ZNF302: variants seen among roughly 807,000 people sequenced by gnomAD.
ZNF302 encodes the protein zinc finger protein 327.
ZNF302 carries 12 observed loss-of-function variants against 10.8 expected under a neutral mutation model. The ratio of observed to expected loss-of-function variants is 1.11; its 90% confidence interval spans 0.71 to 1.79. The LOEUF (loss-of-function observed/expected upper bound fraction) is 1.79. Ranked by LOEUF, ZNF302 falls within the 40% of genes most tolerant of loss-of-function variation. ZNF302 has a pLI of 0.00. For synonymous variants in ZNF302, 178 were observed against 157.5 expected (o/e 1.13, Z -0.98); for missense variants, 461 against 471.1 (o/e 0.98, Z 0.20).
At chr19:34,678,863 G>A in intron 2 of ZNF302, 50 bp downstream of exon 2, 2 of 1,611,900 alleles carry the variant, frequency 1.2e-6, no homozygotes, top group Non-Finnish European at 1.7e-6. Context: ...TTAGGCCTCT[G>A]TGTGTTTGCT....
chr19:34,684,507 CA>C lies in ZNF302; in HGVS notation c.476del (p.Lys159SerfsTer4). 6.2e-7 allele frequency: 1 copy of C among 1,612,012 alleles called. No individual in the cohort carries two copies. Among genetic ancestry groups the C allele is most frequent in the South Asian group, 1.1e-5 (1 of 90,594 alleles). On this transcript the variant is annotated frameshift_variant, in exon 5 of 5. Transcript: ENST00000505242. LOFTEE classifies it low-confidence loss of function (END_TRUNC). ...HKYDILKKNL[S>X]KKSVIKSERI... ...TATGATATATTAAAGAAGAATTTAT[CA>C]AAAAAGTCAGTTATAAAAAGTGAGA...
chr19:34,684,516 C>A lies in ZNF302; in HGVS notation c.479C>A (p.Ser160Ter), dbSNP rs2068546872. The change falls in exon 5 of 5, where the codon TCA becomes TAA. Residue 160 changes from serine (S) to a stop codon, truncating the protein, a stop_gained. Coordinates refer to ENST00000505242, the MANE Select transcript of ZNF302 (RefSeq NM_001289187.2). LOFTEE classifies it low-confidence loss of function (END_TRUNC). ...TTAAAGAAGAATTTATCAAAAAAGT[C>A]AGTTATAAAAAGTGAGAGAATAAAT... The part of the protein sequence containing the change: ...DILKKNLSKK[S>*]VIKSERINGG... 6.2e-7 allele frequency: 1 copy of A among 1,612,344 alleles called. No individual in the cohort carries two copies. Among genetic ancestry groups the A allele is most frequent in the East Asian group, 2.2e-5 (1 of 44,872 alleles).
In ZNF302 at chr19:34,685,445, G is replaced by A; in HGVS notation, c.*208G>A. 1 of 1,598,024 alleles carries A rather than the reference G, an allele frequency of 6.3e-7. No homozygotes were observed. Among genetic ancestry groups the A allele is most frequent in the Non-Finnish European group, 8.6e-7 (1 of 1,165,912 alleles). On this transcript the variant is annotated 3_prime_UTR_variant, in exon 5 of 5. Coordinates refer to ENST00000505242, the MANE Select transcript of ZNF302 (RefSeq NM_001289187.2). ...CTTCAGCTGTAGTTCAAACCTTACT[G>A]TACATCAGAGAATTCATACTGGAGA...
intron 3 of ZNF302, 80 bp from the exon 4 acceptor site, chr19:34,683,075 A>G (rs1210483543): frequency 1.3e-6 from 2 of 1,595,846 alleles, no homozygotes; most frequent in Admixed American, 1.7e-5. Flanking sequence ...CCCTTCATCC[A>G]TTCCTGTGGT....
rs2068562910 is a variant in ZNF302 at position 34,684,709 on chromosome 19, A to G, written c.672A>G (p.Thr224=). 1.9e-6 allele frequency: 3 copies of G among 1,614,004 alleles called. No individual in the cohort carries two copies. The change falls in exon 5 of 5, where the codon ACA becomes ACG. Residue 224 remains threonine, a synonymous_variant. Coordinates refer to ENST00000505242, the MANE Select transcript of ZNF302 (RefSeq NM_001289187.2). ...SILSRHWRIH[T]GEKPYECREC... Reference sequence around the variant, plus strand: ...TCAGTCGCCACTGGAGAATTCATACAGGAGAGAAGCCCTATGAATGTCGTG... The same window carrying G: ...TCAGTCGCCACTGGAGAATTCATACGGGAGAGAAGCCCTATGAATGTCGTG...
In ZNF302 at chr19:34,685,676, CTTA is replaced by C; in HGVS notation, c.*442_*444del. ...GGTAAACTTCATTCATAGATCCTCC[CTTA>C]TTTAACATCAGAAAAATGTATACTG... On this transcript the variant is annotated 3_prime_UTR_variant, in exon 5 of 5. Transcript: ENST00000505242. The C allele has an allele frequency of 1.4e-6, 1 of 733,346 alleles. No homozygotes were observed. Among genetic ancestry groups the C allele is most frequent in the Non-Finnish European group, 2.3e-6 (1 of 428,928 alleles). The allele number at this position is 733,346 out of a possible 1,614,324, so 45.4% of individuals were successfully genotyped here. A position where few individuals can be genotyped will look rare whatever the true frequency, so the allele number is the denominator to read the frequency against.
chr19:34,684,607 C>T lies in ZNF302; in HGVS notation c.570C>T (p.Thr190=). The T allele has an allele frequency of 8.1e-6, 13 of 1,614,022 alleles. No homozygotes were observed. The highest frequency in any genetic ancestry group is 1.0e-5 in the Non-Finnish European group (12 of 1,179,914). ...CCTTCAACCAGAGCAAATCTCTTAC[C>T]CTTCCCCAGACTTGTAATAGAGAGA... ...GAAFNQSKSL[T]LPQTCNREKI... Residue 190 remains threonine, a synonymous_variant, in exon 5 of 5, where the codon ACC becomes ACT. Transcript: ENST00000505242.
intron 2 of ZNF302, chr19:34,679,962 A>T (rs537395504): frequency 2.4e-5 from 17 of 702,534 alleles, no homozygotes; most frequent in African/African-American, 1.9e-4. Flanking sequence ...GAGGGGATGT[A>T]AGTAGCAGAT....
intron 2 of ZNF302, chr19:34,682,561 T>C (rs180875334): frequency 5.3e-5 from 26 of 491,214 alleles, no homozygotes; most frequent in East Asian, 3.6e-4. Flanking sequence ...CTCATTCTTA[T>C]TGTATAAAAA....
chr19:34,680,932 G>T (rs1353012681), intron 2 of ZNF302, among the ~76,000 whole-genome samples: 7 of 152,142 alleles, frequency 4.6e-5, no homozygotes. Context: ...CTCAATAGTG[G>T]ATCGCTTGTG....
At chr19:34,679,266 T>A (rs543498451) in intron 2 of ZNF302, among the ~76,000 whole-genome samples, 30 of 152,110 alleles carry the variant, frequency 2.0e-4, no homozygotes, top group Non-Finnish European at 4.1e-4. Flanking sequence ...CCACCACCAC[T>A]ACCACCCCAG....
In ZNF302 at chr19:34,680,096, T is replaced by C. The variant is rs536327269; in HGVS notation, c.9+1283T>C. ...AGGCTGATGAGGTAGGAAGATTTCT[T>C]GAGCCCTCTGGTGTAAGCCTGTAGT... is the stretch of plus-strand genomic sequence containing the variant. On this transcript the variant is annotated intron_variant, in intron 2 of 4. Coordinates refer to ENST00000505242, the MANE Select transcript of ZNF302 (RefSeq NM_001289187.2). The C allele has an allele frequency of 1.6e-4, 102 of 626,678 alleles. No individual in the cohort carries two copies. In the Middle Eastern group the frequency reaches 3.3e-3, roughly 20 times the overall value. The allele number at this position is 626,678 out of a possible 1,614,324, so 38.8% of individuals were successfully genotyped here.
Position 34,685,658 on chromosome 19 carries a change from T to G in ZNF302, c.*421T>G, listed in dbSNP as rs2068623371. ...AGAAGCAGTGTTTATCACGGTAAAC[T>G]TCATTCATAGATCCTCCCTTATTTA... On this transcript the variant is annotated 3_prime_UTR_variant, in exon 5 of 5. Coordinates refer to ENST00000505242, the MANE Select transcript of ZNF302 (RefSeq NM_001289187.2). 2 of 802,498 alleles carry G rather than the reference T, an allele frequency of 2.5e-6. No homozygotes were observed. Among genetic ancestry groups the G allele is most frequent in the Non-Finnish European group, 4.1e-6 (2 of 483,756 alleles). The allele number at this position is 802,498 out of a possible 1,614,324, so 49.7% of individuals were successfully genotyped here.
chr19:34,684,035 C>G (rs2068499287), intron 4 of ZNF302: 1 of 1,509,068 alleles, frequency 6.6e-7, no homozygotes, highest in East Asian at 2.5e-5. Flanking sequence ...CTTCTGTGAA[C>G]TTTGGATTCT....
chr19:34,684,629 G>A lies in ZNF302; in HGVS notation c.592G>A (p.Glu198Lys), dbSNP rs764199498. The change falls in exon 5 of 5, where the codon GAG becomes AAG. Residue 198 changes from glutamate to lysine, a missense_variant. By Grantham distance (56) the Glu-to-Lys change is moderately conservative. Transcript: ENST00000505242. ...TACCCTTCCCCAGACTTGTAATAGAGAGAAAATCTATACATGCAGTGAATG... is the reference window on the plus strand; with the variant it reads ...TACCCTTCCCCAGACTTGTAATAGAAAGAAAATCTATACATGCAGTGAATG... The part of the protein sequence containing the change: ...SLTLPQTCNR[E>K]KIYTCSECGK... 17 of 1,613,902 alleles carry A rather than the reference G, an allele frequency of 1.1e-5. No homozygotes were observed. Among genetic ancestry groups the A allele is most frequent in the Non-Finnish European group, 1.4e-5 (17 of 1,179,932 alleles).
chr19:34,680,108 T>G, intron 2 of ZNF302: 2 of 620,992 alleles, frequency 3.2e-6, no homozygotes, highest in Non-Finnish European at 5.8e-6. Context: ...AGCCCTCTGG[T>G]GTAAGCCTGT....
chr19:34,684,564 C>T lies in ZNF302; in HGVS notation c.527C>T (p.Ser176Phe), dbSNP rs2068550279. Reference sequence around the variant, plus strand: ...AATGGTGGAAAGAAACTTTTAAATTCTAATAAAAGTGGGGCAGCCTTCAAC... The same window carrying T: ...AATGGTGGAAAGAAACTTTTAAATTTTAATAAAAGTGGGGCAGCCTTCAAC... ...RINGGKKLLN[S>F]NKSGAAFNQS... Residue 176 changes from serine (S) to phenylalanine (F), a missense_variant, in exon 5 of 5, where the codon TCT becomes TTT. Physicochemically the swap from Ser to Phe is radical, Grantham distance 155. Transcript: ENST00000505242. 1 of 1,613,780 alleles carries T rather than the reference C, an allele frequency of 6.2e-7. No individual in the cohort carries two copies. The highest frequency in any genetic ancestry group is 8.5e-7 in the Non-Finnish European group (1 of 1,179,814).
In ZNF302 at chr19:34,685,428, G is replaced by A; in HGVS notation, c.*191G>A. The A allele has an allele frequency of 1.2e-6, 2 of 1,603,454 alleles. No homozygotes were observed. Among genetic ancestry groups the A allele is most frequent in the East Asian group, 2.2e-5 (1 of 44,808 alleles). On this transcript the variant is annotated 3_prime_UTR_variant, in exon 5 of 5. Transcript: ENST00000505242. ...ATTAAATGTGGGAAGACCTTCAGCT[G>A]TAGTTCAAACCTTACTGTACATCAG... is the stretch of plus-strand genomic sequence containing the variant.
chr19:34,685,513 A>C lies in ZNF302; in HGVS notation c.*276A>C, dbSNP rs1325841089. On this transcript the variant is annotated 3_prime_UTR_variant, in exon 5 of 5. Coordinates refer to ENST00000505242, the MANE Select transcript of ZNF302 (RefSeq NM_001289187.2). ...GTGAGTGTGGGAAAGCTTTTAGCAAAGGCTCGAATCTTACTGCCCATCAAA... is the reference window on the plus strand; with the variant it reads ...GTGAGTGTGGGAAAGCTTTTAGCAACGGCTCGAATCTTACTGCCCATCAAA... The C allele has an allele frequency of 5.1e-6, 8 of 1,570,026 alleles. No homozygotes were observed. In the Admixed American group the frequency reaches 1.2e-4, roughly 23 times the overall value.
Sources: gnomAD v4.1 joint callset for allele counts (sites outside exome capture counted in the v4.1 genomes callset) on GRCh38, gnomAD v4.1.1 for gene constraint, MANE v1.5 for transcripts, NCBI Gene and HGNC (gene_info 2026-07-23, HGNC 2026-07-21) for gene names.